Variants in NFYC observed in about 807,000 individuals in gnomAD.
NFYC encodes nuclear transcription factor Y subunit gamma.
Under a neutral mutation model 53.1 loss-of-function variants are expected in NFYC, and 25 were observed. The observed-to-expected ratio is 0.47, with a 90% CI of 0.34 to 0.66. The LOEUF is 0.66. NFYC is among the 30% of genes least tolerant of loss of function. The pLI is 0.01. For missense variants in NFYC, 260 were observed against 422.7 expected, an observed-to-expected ratio of 0.62 and a Z score of 3.38; for synonymous variants, 145 against 152.6, an observed-to-expected ratio of 0.95 and a Z score of 0.37.
chr1:40,735,582 A>G, intron 1 of NFYC: 1 of 985,330 alleles, frequency 1.0e-6, no homozygotes, highest in Non-Finnish European at 1.2e-6. Context: ...ATTTGTTACC[A>G]GACTTTTAAA....
intron 7 of NFYC, among the ~76,000 whole-genome samples, chr1:40,763,970 C>T (rs554023492): frequency 6.6e-6 from 1 of 152,342 alleles, no homozygotes; most frequent in East Asian, 1.9e-4. Flanking sequence ...CCCAGTGGAG[C>T]CTGCAGCAAA....
At chr1:40,748,355 TCA>T (rs1179729230) in intron 3 of NFYC, among the ~76,000 whole-genome samples, 1 of 151,922 alleles carries the variant, frequency 6.6e-6, no homozygotes, top group Non-Finnish European at 1.5e-5. Flanking sequence ...TCCAGGCTAG[TCA>T]CGAACTCCTG....
chr1:40,752,921 C>T (rs1198869989), intron 4 of NFYC, among the ~76,000 whole-genome samples: 1 of 151,982 alleles, frequency 6.6e-6, no homozygotes, highest in Non-Finnish European at 1.5e-5. Flanking sequence ...GGCTCAGATA[C>T]CCCATTTTAC....
intron 1 of NFYC, among the ~76,000 whole-genome samples, chr1:40,727,542 T>G (rs1644573271): frequency 6.7e-6 from 1 of 149,910 alleles, no homozygotes; most frequent in Non-Finnish European, 1.5e-5. Flanking sequence ...CTTTTTTTTT[T>G]TTTTTTGAGA....
chr1:40,725,792 A>G (rs935497261), intron 1 of NFYC, among the ~76,000 whole-genome samples: 1 of 152,238 alleles, frequency 6.6e-6, no homozygotes, highest in Non-Finnish European at 1.5e-5. Context: ...TAGTGCTGCC[A>G]CTAGGGCAAA....
chr1:40,694,995 C>G (rs2148397751), intron 1 of NFYC, among the ~76,000 whole-genome samples: 1 of 152,252 alleles, frequency 6.6e-6, no homozygotes, highest in East Asian at 1.9e-4. Flanking sequence ...GCTCACGCCT[C>G]TAATCCCAGC....
chr1:40,727,254 T>C (rs1442249913), intron 1 of NFYC, among the ~76,000 whole-genome samples: 1 of 152,134 alleles, frequency 6.6e-6, no homozygotes, highest in Admixed American at 6.6e-5. Flanking sequence ...GACAGGGTCT[T>C]ACTCTGTTGC....
In NFYC at chr1:40,763,002, A is replaced by T; in HGVS notation, c.676A>T (p.Met226Leu). ...TGGCACTGGACAGACCATGCAGGTG[A>T]TGCAGCAGATCATCACTAACACAGG... ...QSGTGQTMQV[M>L]QQIITNTGEI... is the part of the protein sequence containing the mutation. The change falls in exon 7 of 10, where the codon ATG becomes TTG. Residue 226 changes from methionine to leucine, a missense_variant. Physicochemically the swap from Met to Leu is conservative, Grantham distance 15. Coordinates refer to ENST00000447388, the MANE Select transcript of NFYC (RefSeq NM_014223.5). 6.2e-7 allele frequency: 1 copy of T among 1,611,036 alleles called. No individual in the cohort carries two copies. The highest frequency in any genetic ancestry group is 8.5e-7 in the Non-Finnish European group (1 of 1,178,270).
chr1:40,767,676 C>T (rs1315734982), intron 8 of NFYC, among the ~76,000 whole-genome samples: 1 of 152,134 alleles, frequency 6.6e-6, no homozygotes, highest in Non-Finnish European at 1.5e-5. Flanking sequence ...CTTCTTGGTT[C>T]CTCAGAAGTC....
intron 1 of NFYC, chr1:40,709,217 A>G (rs1173848105): frequency 6.6e-6 from 1 of 152,240 alleles, no homozygotes; most frequent in Non-Finnish European, 1.5e-5. Flanking sequence ...GAGGTAACTG[A>G]TGACGTGAAC....
chr1:40,752,812 C>T (rs1257067693), intron 4 of NFYC, among the ~76,000 whole-genome samples: 1 of 151,984 alleles, frequency 6.6e-6, no homozygotes, highest in Non-Finnish European at 1.5e-5. Flanking sequence ...CCTAACTTTG[C>T]TAACCCACAG....
At chr1:40,724,024 T>C (rs1395579534) in intron 1 of NFYC, among the ~76,000 whole-genome samples, 1 of 152,136 alleles carries the variant, frequency 6.6e-6, no homozygotes, top group African/African-American at 2.4e-5. Flanking sequence ...TGTGGCTGTA[T>C]GATTTTTGTT....
chr1:40,702,341 C>CTTTT (rs11307589), intron 1 of NFYC, among the ~76,000 whole-genome samples: 1 of 118,914 alleles, frequency 8.4e-6, no homozygotes. Context: ...ATCTTCAGAA[C>CTTTT]TTTTTTTTTT....
intron 1 of NFYC, among the ~76,000 whole-genome samples, chr1:40,701,136 A>G (rs997595902): frequency 1.3e-5 from 2 of 152,014 alleles, no homozygotes; most frequent in African/African-American, 4.8e-5. Context: ...TCGCCCTGTC[A>G]CCCAGGCTGG....
chr1:40,695,056 G>C (rs539308571), intron 1 of NFYC, among the ~76,000 whole-genome samples: 5 of 152,222 alleles, frequency 3.3e-5, no homozygotes, highest in African/African-American at 1.2e-4. Context: ...TTTGAGACCA[G>C]CCTCGCACAC....
intron 1 of NFYC, among the ~76,000 whole-genome samples, chr1:40,698,723 ATAG>A (rs1316523843): frequency 6.6e-6 from 1 of 152,094 alleles, no homozygotes; most frequent in Non-Finnish European, 1.5e-5. Context: ...TTTAAAGCCA[ATAG>A]TATATCCTTT....
intron 1 of NFYC, among the ~76,000 whole-genome samples, chr1:40,697,157 A>C (rs1643193197): frequency 6.6e-6 from 1 of 152,226 alleles, no homozygotes; most frequent in African/African-American, 2.4e-5. Flanking sequence ...TAATTATGAG[A>C]AATGAATATA....
chr1:40,767,895 G>A (rs1646899838), intron 8 of NFYC, among the ~76,000 whole-genome samples: 1 of 152,196 alleles, frequency 6.6e-6, no homozygotes, highest in African/African-American at 2.4e-5. Context: ...AGAATCACTT[G>A]AACCCAGGAG....
chr1:40,733,008 G>GCCCC (rs749788691), intron 1 of NFYC, among the ~76,000 whole-genome samples: 1 of 53,330 alleles, frequency 1.9e-5, no homozygotes, highest in African/African-American at 7.1e-5. Context: ...TCCAAGATTC[G>GCCCC]CCCCCCCCCC....
Sources: allele counts gnomAD v4.1 joint callset (sites outside exome capture counted in the v4.1 genomes callset), GRCh38; gene constraint gnomAD v4.1.1; transcripts MANE v1.5; gene names NCBI Gene and HGNC (gene_info 2026-07-23, HGNC 2026-07-21).